The following CHMP3 variants were observed in gnomAD, a reference collection of about 807,000 sequenced individuals.
The protein encoded by CHMP3 is 25.1 protein.
CHMP3 carries 8 observed loss-of-function variants against 27.4 expected under a neutral mutation model. The observed-to-expected ratio is 0.29, with a 90% confidence interval of 0.17 to 0.53. The LOEUF (loss-of-function observed/expected upper bound fraction) is 0.53, where lower values mean the gene tolerates loss of function less well. Among genes scored for constraint, CHMP3 ranks in the 20% least tolerant of loss-of-function variants. CHMP3 has a pLI of 0.96. For synonymous variants in CHMP3, 86 were observed against 85.5 expected (o/e 1.01, Z -0.03); for missense variants, 208 against 271.5 (o/e 0.77, Z 1.64).
At chr2:86,545,433 A>AG (rs1478562253) in intron 1 of CHMP3, among the ~76,000 whole-genome samples, 2 of 128,016 alleles carry the variant, frequency 1.6e-5, no homozygotes, top group African/African-American at 6.1e-5. Context: ...GGCCGGGCAG[A>AG]GGCGCTCCTC....
At position 86,507,566 on chromosome 2, in the gene CHMP3, C is replaced by A. The variant is rs1674934585; in HGVS notation, c.436G>T (p.Asp146Tyr). 3.7e-6 allele frequency: 6 copies of A among 1,614,142 alleles called. No homozygotes were observed. Among genetic ancestry groups the A allele is most frequent in the South Asian group, 2.2e-5 (2 of 91,078 alleles). ...KAGIIEEMLE[D>Y]TFESMDDQEE... is the part of the protein sequence containing the mutation. Reference sequence around the variant, plus strand: ...TGATCGTCCATGCTTTCAAAAGTGTCCTCTAACATCTCCTCTATGATCCCA... The same window carrying A: ...TGATCGTCCATGCTTTCAAAAGTGTACTCTAACATCTCCTCTATGATCCCA... Residue 146 changes from aspartate (D) to tyrosine (Y), a missense_variant, in exon 5 of 6, where the codon GAC becomes TAC. Asp to Tyr is a radical substitution (Grantham distance 160). Transcript: ENST00000263856.
At chr2:86,530,039 C>T (rs965911489) in intron 2 of CHMP3, among the ~76,000 whole-genome samples, 30 of 151,892 alleles carry the variant, frequency 2.0e-4, no homozygotes, top group African/African-American at 6.0e-4. Context: ...TTGTTGCCCA[C>T]GCTGGAGTGC....
At chr2:86,539,051 T>C (rs1213561700) in intron 2 of CHMP3, among the ~76,000 whole-genome samples, 7 of 152,176 alleles carry the variant, frequency 4.6e-5, no homozygotes, top group African/African-American at 1.7e-4. Context: ...GCTTGACTTC[T>C]GAGAACATAA....
At position 86,555,491 on chromosome 2, in the gene CHMP3, A is replaced by G. The variant is rs1226772348; in HGVS notation, c.45+7813T>C. Among the ~76,000 whole-genome samples the G allele has an allele frequency of 2.7e-5, 4 of 148,886 alleles. No individual in the cohort carries two copies. In the Admixed American group the frequency reaches 2.7e-4, roughly 10 times the overall value. On this transcript the variant is annotated intron_variant, in intron 1 of 5. Transcript: ENST00000263856. ...CACTCCAGCCTGGCGACAGAGCAAG[A>G]CTCCATCTCAAAAAAAAAAATAAAT...
chr2:86,532,293 T>C (rs1401534479), intron 2 of CHMP3, among the ~76,000 whole-genome samples: 1 of 152,198 alleles, frequency 6.6e-6, no homozygotes, highest in African/African-American at 2.4e-5. Context: ...GGTGCTGATT[T>C]TGTATCTTGC....
intron 1 of CHMP3, among the ~76,000 whole-genome samples, chr2:86,549,914 G>A (rs1382536720): frequency 6.6e-6 from 1 of 151,644 alleles, no homozygotes. Flanking sequence ...GGGCAGAGGC[G>A]CTTCTCACTT....
intron 1 of CHMP3, among the ~76,000 whole-genome samples, chr2:86,543,035 G>A (rs989153243): frequency 2.0e-5 from 3 of 152,132 alleles, no homozygotes; most frequent in Non-Finnish European, 4.4e-5. Context: ...TGACTCAGAA[G>A]CTCAAAAAAC....
intron 2 of CHMP3, among the ~76,000 whole-genome samples, chr2:86,534,144 T>A (rs534560858): frequency 6.6e-6 from 1 of 151,966 alleles, no homozygotes; most frequent in South Asian, 2.1e-4. Flanking sequence ...GAATGTGTAG[T>A]TTGTTGTTGG....
At chr2:86,551,605 C>G (rs189856902) in intron 1 of CHMP3, among the ~76,000 whole-genome samples, 32 of 152,252 alleles carry the variant, frequency 2.1e-4, no homozygotes, top group African/African-American at 7.7e-4. Flanking sequence ...GTCAAAAACT[C>G]TACTCAAATT....
intron 1 of CHMP3, among the ~76,000 whole-genome samples, chr2:86,543,168 T>C (rs1166457975): frequency 6.6e-6 from 1 of 152,200 alleles, no homozygotes; most frequent in African/African-American, 2.4e-5. Context: ...CCTTGTAGCA[T>C]TCATTCATGT....
intron 3 of CHMP3, among the ~76,000 whole-genome samples, chr2:86,516,889 G>T (rs76159402): frequency 1.3e-3 from 194 of 152,276 alleles, no homozygotes; most frequent in African/African-American, 4.4e-3. Context: ...AAGTACGTGT[G>T]GCTATACAAG....
At chr2:86,521,506 T>A (rs191288977) in intron 3 of CHMP3, among the ~76,000 whole-genome samples, 20 of 152,342 alleles carry the variant, frequency 1.3e-4, no homozygotes, top group Non-Finnish European at 2.4e-4. Context: ...CATTCACATT[T>A]TTGTGTAACC....
At chr2:86,555,036 C>T (rs897530040) in intron 1 of CHMP3, among the ~76,000 whole-genome samples, 3 of 151,686 alleles carry the variant, frequency 2.0e-5, no homozygotes, top group South Asian at 2.1e-4. Context: ...TTAGTAGAGA[C>T]GGGGTTTCAC....
chr2:86,515,350 T>TCTCG (rs1206594544), intron 3 of CHMP3: 2 of 152,352 alleles, frequency 1.3e-5, no homozygotes, highest in Admixed American at 1.3e-4. Flanking sequence ...TTTGAGACAG[T>TCTCG]CTCGCTCTGT....
chr2:86,525,481 C>T (rs1020479593), intron 3 of CHMP3, among the ~76,000 whole-genome samples: 2 of 150,596 alleles, frequency 1.3e-5, no homozygotes, highest in African/African-American at 4.9e-5. Context: ...TGCAGTGAGC[C>T]GAGATGGCAC....
At chr2:86,522,349 C>T (rs1476294908) in intron 3 of CHMP3, among the ~76,000 whole-genome samples, 1 of 152,170 alleles carries the variant, frequency 6.6e-6, no homozygotes, top group South Asian at 2.1e-4. Context: ...CCTGCCTTGT[C>T]CCAAGTTCTA....
intron 1 of CHMP3, among the ~76,000 whole-genome samples, chr2:86,546,836 T>C (rs77700231): frequency 1.3e-5 from 2 of 152,370 alleles, no homozygotes; most frequent in Non-Finnish European, 2.9e-5. Flanking sequence ...TTGAGTTGTC[T>C]GTTTGTTGGG....
At position 86,529,072 on chromosome 2, in the gene CHMP3, T is replaced by C. The variant is rs534233785; in HGVS notation, c.286+146A>G. ...AACAAAAGAAAACAAACAACATTAT[T>C]ATATTTTGCATTTCTACAACACTCA... On this transcript the variant is annotated intron_variant, in intron 3 of 5. Coordinates refer to ENST00000263856, the MANE Select transcript of CHMP3 (RefSeq NM_016079.4). The C allele has an allele frequency of 9.9e-5, 77 of 777,100 alleles. No individual in the cohort carries two copies. The South Asian group carries it at 2.1e-3, about 21-fold the overall frequency. The allele number at this position is 777,100 out of a possible 1,614,324, so 48.1% of individuals were successfully genotyped here. A position where few individuals can be genotyped will look rare whatever the true frequency, so the allele number is the denominator to read the frequency against.
intron 1 of CHMP3, among the ~76,000 whole-genome samples, chr2:86,549,869 G>A (rs915351543): frequency 2.6e-5 from 4 of 151,488 alleles, no homozygotes; most frequent in South Asian, 2.1e-4. Context: ...GGGCAGCCGG[G>A]CAGAGGCGCT....
Sources: gnomAD v4.1 joint callset for allele counts (sites outside exome capture counted in the v4.1 genomes callset) on GRCh38, gnomAD v4.1.1 for gene constraint, MANE v1.5 for transcripts, NCBI Gene and HGNC (gene_info 2026-07-23, HGNC 2026-07-21) for gene names.